Variants in RNF217 observed in about 807,000 individuals in gnomAD.
RNF217 encodes E3 ubiquitin-protein ligase RNF217.
A neutral mutation model predicts 57.8 loss-of-function variants in RNF217; 31 were observed. The ratio of observed to expected loss-of-function variants is 0.54; its 90% confidence interval spans 0.40 to 0.72. RNF217 has a LOEUF of 0.72. Ranked by LOEUF, RNF217 falls within the 30% of genes least tolerant of loss-of-function variation. The pLI is 0.00. For synonymous variants in RNF217, 313 were observed against 294.0 expected, an observed-to-expected ratio of 1.06 and a Z score of -0.66; for missense variants, 696 against 708.3, an observed-to-expected ratio of 0.98 and a Z score of 0.20.
Position 124,963,172 on chromosome 6 carries a change from T to A in RNF217, c.628T>A (p.Ser210Thr). Residue 210 changes from serine to threonine, a missense_variant, in exon 1 of 6, where the codon TCC (serine) becomes ACC (threonine). Around this residue, in one of 2 missense-constraint regions of RNF217, gnomAD observed 465 missense variants for 386.8 expected, o/e 1.20. Coordinates refer to ENST00000521654, the MANE Select transcript of RNF217 (RefSeq NM_001286398.3). ...TRSSFPSPRL[S>T]LPTDSLSPDG... Reference sequence around the variant, plus strand: ...CTCTTCCTTCCCCAGCCCCCGACTGTCCCTCCCAACGGATTCCCTCTCCCC... The same window carrying A: ...CTCTTCCTTCCCCAGCCCCCGACTGACCCTCCCAACGGATTCCCTCTCCCC... The A allele has an allele frequency of 2.6e-6, 4 of 1,535,782 alleles. No individual in the cohort carries two copies. Among genetic ancestry groups the A allele is most frequent in the Non-Finnish European group, 3.5e-6 (4 of 1,146,802 alleles).
intron 1 of RNF217, among the ~76,000 whole-genome samples, chr6:125,036,605 A>G (rs1441221078): frequency 6.6e-6 from 1 of 152,100 alleles, no homozygotes; most frequent in Non-Finnish European, 1.5e-5. Context: ...GTGGGAGAAA[A>G]TTTTTGCAAT....
At chr6:124,993,478 G>A (rs779896129) in intron 1 of RNF217, among the ~76,000 whole-genome samples, 1 of 152,148 alleles carries the variant, frequency 6.6e-6, no homozygotes, top group Non-Finnish European at 1.5e-5. Flanking sequence ...GGAAATATGA[G>A]AGAATAAGAT....
chr6:125,090,870 ATTAAC>A lies in RNF217; in HGVS notation c.*7936_*7940del, dbSNP rs1462582701. On this transcript the variant is annotated 3_prime_UTR_variant, in exon 6 of 6. Coordinates refer to ENST00000521654, the MANE Select transcript of RNF217 (RefSeq NM_001286398.3). ...TTTTCTCCATTTCATTAGTTATACT[ATTAAC>A]TTTGATAATCACAAAACTATGTGGA... The A allele has an allele frequency of 6.6e-6, 1 of 151,958 alleles. No homozygotes were observed. Among genetic ancestry groups the A allele is most frequent in the Non-Finnish European group, 1.5e-5 (1 of 67,884 alleles). The allele number at this position is 151,958 out of a possible 1,614,324, so 9.4% of individuals were successfully genotyped here. A position where few individuals can be genotyped will look rare whatever the true frequency, so the allele number is the denominator to read the frequency against.
chr6:125,054,053 T>C (rs1787429347), intron 2 of RNF217, among the ~76,000 whole-genome samples: 1 of 152,184 alleles, frequency 6.6e-6, no homozygotes, highest in African/African-American at 2.4e-5. Context: ...AAACTGTGTG[T>C]AAAATCATTC....
chr6:125,045,397 A>G lies in RNF217; in HGVS notation c.1069A>G (p.Lys357Glu). 1 of 1,613,242 alleles carries G rather than the reference A, an allele frequency of 6.2e-7. No homozygotes were observed. Among genetic ancestry groups the G allele is most frequent in the South Asian group, 1.1e-5 (1 of 91,026 alleles). ...PQCKHFTTFKKKGHIPTPSRS... is the reference protein window; with the variant it reads ...PQCKHFTTFKEKGHIPTPSRS... ...GTGCAAGCACTTTACAACCTTCAAG[A>G]AAAAAGGACATATTCCCACCCCTTC... The change falls in exon 2 of 6, where the codon AAA becomes GAA. Residue 357 changes from lysine to glutamate, a missense_variant. This residue lies in a region of RNF217 where 231 missense variants were observed against 321.4 expected (regional missense o/e 0.72). Coordinates refer to ENST00000521654, the MANE Select transcript of RNF217 (RefSeq NM_001286398.3).
At chr6:124,996,983 T>A (rs914239218) in intron 1 of RNF217, among the ~76,000 whole-genome samples, 2 of 152,210 alleles carry the variant, frequency 1.3e-5, no homozygotes, top group Non-Finnish European at 2.9e-5. Context: ...ATAAAATATG[T>A]TCCTCTTCAC....
chr6:125,058,696 G>A (rs1787613839), intron 3 of RNF217, among the ~76,000 whole-genome samples: 1 of 152,132 alleles, frequency 6.6e-6, no homozygotes, highest in Non-Finnish European at 1.5e-5. Context: ...TTTGAGCTCA[G>A]ACCTAGATGT....
intron 1 of RNF217, among the ~76,000 whole-genome samples, chr6:124,990,419 A>C (rs2115040380): frequency 6.6e-6 from 1 of 152,300 alleles, no homozygotes; most frequent in Admixed American, 6.5e-5. Flanking sequence ...TCTGCAATTG[A>C]TTTTATAAGA....
chr6:125,061,893 A>G (rs1346186864), intron 3 of RNF217, among the ~76,000 whole-genome samples: 2 of 152,058 alleles, frequency 1.3e-5, no homozygotes, highest in South Asian at 2.1e-4. Context: ...TAATCCAACC[A>G]TAATTTATTT....
rs942718179 is a variant in RNF217, at chr6:125,082,361, A to T, written c.1556-503A>T. On this transcript the variant is annotated intron_variant, in intron 5 of 5. Transcript: ENST00000521654. ...TTAGCAAGTAATAAATGTGCAGGAC[A>T]GATAGAATTATAAAGTATCTGACAT... The T allele has an allele frequency of 3.0e-6, 4 of 1,321,752 alleles. No individual in the cohort carries two copies. In the African/African-American group the frequency reaches 6.0e-5, roughly 20 times the overall value. 81.9% of individuals were successfully genotyped at this position (1,321,752 alleles called of 1,614,324 possible).
chr6:125,064,018 T>C lies in RNF217; in HGVS notation c.1281+5912T>C, dbSNP rs565097016. Among the ~76,000 whole-genome samples the C allele has an allele frequency of 3.4e-3, 512 of 152,306 alleles. 4 individuals are homozygous for C. Among genetic ancestry groups the C allele is most frequent in the South Asian group, 0.019 (90 of 4,828 alleles). On this transcript the variant is annotated intron_variant, in intron 3 of 5. Transcript: ENST00000521654. ...AAGGTCAACACAAAAGCTATTTTTT[T>C]GGTCTTTTATATCTGTGGCTATGTA...
intron 4 of RNF217, among the ~76,000 whole-genome samples, chr6:125,080,477 A>T (rs1937341772): frequency 6.6e-6 from 1 of 152,090 alleles, no homozygotes; most frequent in South Asian, 2.1e-4. Flanking sequence ...ACTGTCCTTT[A>T]ATTTATAGAA....
chr6:125,077,618 G>A (rs908196096), intron 4 of RNF217, among the ~76,000 whole-genome samples: 9 of 152,088 alleles, frequency 5.9e-5, no homozygotes, highest in Non-Finnish European at 1.0e-4. Flanking sequence ...AGGGTTCTTC[G>A]GCGGAATATT....
At chr6:124,968,765 C>A (rs1445081687) in intron 1 of RNF217, among the ~76,000 whole-genome samples, 1 of 152,200 alleles carries the variant, frequency 6.6e-6, no homozygotes, top group Non-Finnish European at 1.5e-5. Flanking sequence ...TTCCTTAACT[C>A]CTGATACAAA....
intron 1 of RNF217, among the ~76,000 whole-genome samples, chr6:125,011,107 A>G (rs1785398285): frequency 6.6e-6 from 1 of 152,170 alleles, no homozygotes; most frequent in Admixed American, 6.6e-5. Context: ...TAAGAAAAGA[A>G]ATGGAGCCGT....
chr6:125,072,215 T>C (rs974662937), intron 3 of RNF217, among the ~76,000 whole-genome samples: 13 of 152,196 alleles, frequency 8.5e-5, no homozygotes, highest in African/African-American at 3.1e-4. Flanking sequence ...ATTTTGCTAG[T>C]TTATTTCTCT....
rs1294789784 is a variant in RNF217, at chr6:125,084,181, C to T, written c.*1244C>T. 1 of 151,896 alleles carries T rather than the reference C, an allele frequency of 6.6e-6. No individual in the cohort carries two copies. The highest frequency in any genetic ancestry group is 1.5e-5 in the Non-Finnish European group (1 of 67,924). 9.4% of individuals were successfully genotyped at this position (151,896 alleles called of 1,614,324 possible). On this transcript the variant is annotated 3_prime_UTR_variant, in exon 6 of 6. Transcript: ENST00000521654. The stretch of plus-strand genomic sequence containing the variant: ...GGATTTTTTCTTACATTTAACTGCT[C>T]AAACATAATATTTTTGGGGACACCT...
chr6:125,049,844 T>G (rs1247318941), intron 2 of RNF217, among the ~76,000 whole-genome samples: 1 of 151,798 alleles, frequency 6.6e-6, no homozygotes, highest in Non-Finnish European at 1.5e-5. Flanking sequence ...TGACTATGTC[T>G]GGAAGAGGAG....
At chr6:125,082,817 C>T in intron 5 of RNF217, 47 bp from the exon 6 acceptor site, 1 of 1,390,952 alleles carries the variant, frequency 7.2e-7, no homozygotes, top group Non-Finnish European at 1.0e-6. Context: ...ATAGGAAAAC[C>T]TAAATGCCTC....
Sources: gnomAD v4.1 joint callset for allele counts (sites outside exome capture counted in the v4.1 genomes callset) on GRCh38, gnomAD v4.1.1 for gene constraint, gnomAD v4.1.1 regional missense constraint, MANE v1.5 for transcripts, NCBI Gene and HGNC (gene_info 2026-07-23, HGNC 2026-07-21) for gene names.